Variants in KCNQ1OT1 observed in about 807,000 individuals in gnomAD.
KCNQ1OT1 encodes KCNQ1 antisense RNA 2 (non-protein coding).
chr11:2,642,852 A>C lies in KCNQ1OT1; in HGVS notation n.57143T>G. On this transcript the variant is annotated non_coding_transcript_exon_variant, in exon 1 of 1. Coordinates refer to ENST00000597346, the Ensembl canonical transcript of KCNQ1OT1. The surrounding 1 kb of genome is among the most constrained non-coding windows in gnomAD (Gnocchi z 4.3). ...TTTTGCAGTATCCCTTAAGTTTCAG[A>C]ATGTTGTGCTTCTATTTTCACTTGT... is the stretch of plus-strand genomic sequence containing the variant. 2.5e-6 allele frequency: 1 copy of C among 397,736 alleles called. No individual in the cohort carries two copies. Among genetic ancestry groups the C allele is most frequent in the East Asian group, 3.6e-5 (1 of 27,926 alleles). The allele number at this position is 397,736 out of a possible 1,614,324, so 24.6% of individuals were successfully genotyped here. A position where few individuals can be genotyped will look rare whatever the true frequency, so the allele number is the denominator to read the frequency against.
chr11:2,673,886 G>GTGC lies in KCNQ1OT1; in HGVS notation n.26108_26109insGCA. ...AGGGACTTCCTGAAAGCAGGCACAG[G>GTGC]AAGGGATGGGAGCTCAGCTCACCGG... is the stretch of plus-strand genomic sequence containing the variant. On this transcript the variant is annotated non_coding_transcript_exon_variant, in exon 1 of 1. Transcript: ENST00000597346. This position sits in a 1 kb window ranked among gnomAD's most constrained non-coding sequence, Gnocchi z 4.5. The GTGC allele has an allele frequency of 5.0e-6, 2 of 398,438 alleles. No individual in the cohort carries two copies. The highest frequency in any genetic ancestry group is 7.1e-5 in the East Asian group (2 of 28,038). 24.7% of individuals were successfully genotyped at this position (398,438 alleles called of 1,614,324 possible).
chr11:2,670,998 T>C lies in KCNQ1OT1; in HGVS notation n.28997A>G, dbSNP rs781257264. The C allele has an allele frequency of 4.0e-4, 158 of 398,466 alleles. No homozygotes were observed. The highest frequency in any genetic ancestry group is 6.2e-4 in the Non-Finnish European group (140 of 226,066). The allele number at this position is 398,466 out of a possible 1,614,324, so 24.7% of individuals were successfully genotyped here. On this transcript the variant is annotated non_coding_transcript_exon_variant, in exon 1 of 1. Transcript: ENST00000597346. This position sits in a 1 kb window ranked among gnomAD's most constrained non-coding sequence, Gnocchi z 4.9. Reference sequence around the variant, plus strand: ...TGGCTAGGCATTCATGCTTTAGATATGTGGGCCCTGTTAGGGACAACGTAG... The same window carrying C: ...TGGCTAGGCATTCATGCTTTAGATACGTGGGCCCTGTTAGGGACAACGTAG...
chr11:2,679,716 T>C lies in KCNQ1OT1; in HGVS notation n.20279A>G, dbSNP rs2133878793. On this transcript the variant is annotated non_coding_transcript_exon_variant, in exon 1 of 1. Coordinates refer to ENST00000597346, the Ensembl canonical transcript of KCNQ1OT1. This position sits in a 1 kb window ranked among gnomAD's most constrained non-coding sequence, Gnocchi z 4.8. ...TTTTTTAAATCAGCCGTTCTCTGTA[T>C]TCTTGTCCAGATGCTGTGGACAGTG... The C allele has an allele frequency of 2.5e-6, 1 of 398,596 alleles. No homozygotes were observed. Among genetic ancestry groups the C allele is most frequent in the South Asian group, 1.3e-4 (1 of 7,854 alleles). The allele number at this position is 398,596 out of a possible 1,614,324, so 24.7% of individuals were successfully genotyped here. A position where few individuals can be genotyped will look rare whatever the true frequency, so the allele number is the denominator to read the frequency against.
exon 1 of KCNQ1OT1, chr11:2,609,037 CTAAT>C: frequency 2.5e-6 from 1 of 398,206 alleles, no homozygotes; most frequent in Non-Finnish European, 4.4e-6. Context: ...TATTTCTACT[CTAAT>C]ATTTATTATT....
chr11:2,680,984 T>C (rs978870484), exon 1 of KCNQ1OT1: 4 of 398,444 alleles, frequency 1.0e-5, no homozygotes, highest in East Asian at 3.6e-5. Context: ...CTGACCATCA[T>C]AGGTGAAATA....
Position 2,662,396 on chromosome 11 carries a change from CA to C in KCNQ1OT1, n.37598del, listed in dbSNP as rs927653065. The C allele has an allele frequency of 3.0e-5, 15 of 505,332 alleles. No homozygotes were observed. The Admixed American group carries it at 5.2e-4, about 18-fold the overall frequency. The allele number at this position is 505,332 out of a possible 1,614,324, so 31.3% of individuals were successfully genotyped here. A position where few individuals can be genotyped will look rare whatever the true frequency, so the allele number is the denominator to read the frequency against. On this transcript the variant is annotated non_coding_transcript_exon_variant, in exon 1 of 1. Transcript: ENST00000597346. ...TCCCCCAGCCCCCTCCCCTGCCCCC[CA>C]AAAAAGAGACGACTTTGTTTTTTAG...
chr11:2,610,523 T>TACC (rs1848962826), exon 1 of KCNQ1OT1: 1 of 398,314 alleles, frequency 2.5e-6, no homozygotes, highest in South Asian at 1.3e-4. Context: ...TGCTCCTATT[T>TACC]ACCTCCTTGC....
chr11:2,681,853 C>A, exon 1 of KCNQ1OT1: 1 of 398,528 alleles, frequency 2.5e-6, no homozygotes, highest in South Asian at 1.3e-4. Flanking sequence ...TCAAGGTACT[C>A]CAAAGGAGGC....
exon 1 of KCNQ1OT1, chr11:2,689,309 G>A (rs974484914): frequency 1.5e-5 from 6 of 398,640 alleles, no homozygotes; most frequent in African/African-American, 1.2e-4. Context: ...AAGACTCAAT[G>A]CCACCTCAGG....
rs188656646 is a variant in KCNQ1OT1, at chr11:2,617,016, T to A, written n.82979A>T. On this transcript the variant is annotated non_coding_transcript_exon_variant, in exon 1 of 1. Coordinates refer to ENST00000597346, the Ensembl canonical transcript of KCNQ1OT1. This position sits in a 1 kb window ranked among gnomAD's most constrained non-coding sequence, Gnocchi z 4.6. ...CATATTTAGTGTATAAAACATACAG[T>A]TAAATCGTTAACATAGTGATGCAAA... 1.6e-4 allele frequency: 62 copies of A among 398,240 alleles called. No individual in the cohort carries two copies. Among genetic ancestry groups the A allele is most frequent in the African/African-American group, 1.2e-3 (57 of 48,714 alleles). 24.7% of individuals were successfully genotyped at this position (398,240 alleles called of 1,614,324 possible).
chr11:2,619,641 C>T (rs1364962880), exon 1 of KCNQ1OT1: 1 of 396,614 alleles, frequency 2.5e-6, no homozygotes, highest in Non-Finnish European at 4.4e-6. Flanking sequence ...CTTGTGATGC[C>T]TTTGGCTCAC....
chr11:2,699,678 C>CGAAGAACCCCCGGGGAGAACCGCGCA (rs1564862622), exon 1 of KCNQ1OT1: 1 of 353,092 alleles, frequency 2.8e-6, no homozygotes, highest in African/African-American at 2.2e-5. Flanking sequence ...AGAACCGCGC[C>CGAAGAACCCCCGGGGAGAACCGCGCA]GAAAAGCCCC....
rs1849865965 is a variant in KCNQ1OT1, at chr11:2,657,233, A to T, written n.42762T>A. The stretch of plus-strand genomic sequence containing the variant: ...GCACTTCCAAGTCGCAGTTAGAATC[A>T]GCTTGCCAAAGTTCTCACACAGAAG... On this transcript the variant is annotated non_coding_transcript_exon_variant, in exon 1 of 1. Transcript: ENST00000597346. This position sits in a 1 kb window ranked among gnomAD's most constrained non-coding sequence, Gnocchi z 4.8. 1.3e-5 allele frequency: 5 copies of T among 398,548 alleles called. No individual in the cohort carries two copies. In the East Asian group the frequency reaches 1.8e-4, roughly 14 times the overall value. The allele number at this position is 398,548 out of a possible 1,614,324, so 24.7% of individuals were successfully genotyped here.
exon 1 of KCNQ1OT1, chr11:2,616,468 C>T (rs952680675): frequency 6.3e-5 from 25 of 397,634 alleles, no homozygotes; most frequent in African/African-American, 3.1e-4. Context: ...TCTCTGGTTA[C>T]GTAAGGTATA....
chr11:2,679,688 A>AT lies in KCNQ1OT1; in HGVS notation n.20306dup, dbSNP rs550813650. 8 of 398,358 alleles carry AT rather than the reference A, an allele frequency of 2.0e-5. No individual in the cohort carries two copies. The highest frequency in any genetic ancestry group is 1.4e-4 in the East Asian group (4 of 28,056). The allele number at this position is 398,358 out of a possible 1,614,324, so 24.7% of individuals were successfully genotyped here. On this transcript the variant is annotated non_coding_transcript_exon_variant, in exon 1 of 1. Coordinates refer to ENST00000597346, the Ensembl canonical transcript of KCNQ1OT1. This position sits in a 1 kb window ranked among gnomAD's most constrained non-coding sequence, Gnocchi z 4.8. ...TAGGATGCATAGGATCCCAGATTAG[A>AT]TTTTTTTTAAATCAGCCGTTCTCTG...
Position 2,613,883 on chromosome 11 carries a change from T to C in KCNQ1OT1, n.86112A>G. The C allele has an allele frequency of 2.5e-6, 1 of 398,590 alleles. No individual in the cohort carries two copies. Among genetic ancestry groups the C allele is most frequent in the Admixed American group, 4.4e-5 (1 of 22,732 alleles). 24.7% of individuals were successfully genotyped at this position (398,590 alleles called of 1,614,324 possible). A position where few individuals can be genotyped will look rare whatever the true frequency, so the allele number is the denominator to read the frequency against. ...GTGTTTGCTCTTTATAAGACATGATTATTTTCTCATTTCCCAAAAAAGTAC... is the reference window on the plus strand; with the variant it reads ...GTGTTTGCTCTTTATAAGACATGATCATTTTCTCATTTCCCAAAAAAGTAC... On this transcript the variant is annotated non_coding_transcript_exon_variant, in exon 1 of 1. Coordinates refer to ENST00000597346, the Ensembl canonical transcript of KCNQ1OT1. The surrounding 1 kb of genome is among the most constrained non-coding windows in gnomAD (Gnocchi z 4.8).
At chr11:2,699,859 G>A (rs1001790327) in exon 1 of KCNQ1OT1, 5 of 397,212 alleles carry the variant, frequency 1.3e-5, no homozygotes, top group African/African-American at 1.0e-4. Flanking sequence ...GGCGCACCGG[G>A]AGAATCGTGC....
chr11:2,682,465 G>A lies in KCNQ1OT1; in HGVS notation n.17530C>T, dbSNP rs76874768. 15,205 of 383,390 alleles carry A rather than the reference G, an allele frequency of 0.04. 359 individuals carry two copies. The highest frequency in any genetic ancestry group is 0.066 in the Middle Eastern group (104 of 1,574). The allele number at this position is 383,390 out of a possible 1,614,324, so 23.7% of individuals were successfully genotyped here. A position where few individuals can be genotyped will look rare whatever the true frequency, so the allele number is the denominator to read the frequency against. The stretch of plus-strand genomic sequence containing the variant: ...ATGGAGCCTGTCACGGACCCTCAGT[G>A]AATGTTTGACGAGTGAGTGAGTGAG... On this transcript the variant is annotated non_coding_transcript_exon_variant, in exon 1 of 1. Transcript: ENST00000597346. This position sits in a 1 kb window ranked among gnomAD's most constrained non-coding sequence, Gnocchi z 5.8.
chr11:2,614,442 C>T, exon 1 of KCNQ1OT1: 2 of 398,390 alleles, frequency 5.0e-6, no homozygotes, highest in Non-Finnish European at 8.8e-6. Flanking sequence ...TGTGTCTTTT[C>T]TAAGAATTTA....
Sources: gnomAD v4.1 joint callset for allele counts on GRCh38, gnomAD v4.1.1 for gene constraint, Gnocchi (gnomAD v3.1) non-coding constraint, MANE v1.5 for transcripts, NCBI Gene and HGNC (gene_info 2026-07-23, HGNC 2026-07-21) for gene names.